The following MAMSTR variants were observed in gnomAD, a reference collection of about 807,000 sequenced individuals.
The protein encoded by MAMSTR is MEF2 activating motif and SAP domain containing transcriptional regulator, also known as MEF2-activating motif and SAP domain-containing transcriptional regulator.
In MAMSTR, 41 loss-of-function variants were observed where a neutral mutation model predicts 42.7. That is an observed-to-expected ratio of 0.96 (90% CI 0.75 to 1.25). The LOEUF (loss-of-function observed/expected upper bound fraction) is 1.25, where lower values mean the gene tolerates loss of function less well. Among genes scored for constraint, MAMSTR ranks in the 50% most tolerant of loss-of-function variants. The pLI, the probability that MAMSTR is intolerant of heterozygous loss-of-function variation, is 0.00. For synonymous variants in MAMSTR, 265 were observed against 244.1 expected, an observed-to-expected ratio of 1.09 and a Z score of -0.80; for missense variants, 567 against 557.6, an observed-to-expected ratio of 1.02 and a Z score of -0.17.
At position 48,714,497 on chromosome 19, in the gene MAMSTR, G is replaced by T. The variant is rs758453929; in HGVS notation, c.592C>A (p.Leu198Ile). Residue 198 changes from leucine to isoleucine, a missense_variant, in exon 7 of 10, where the codon CTC becomes ATC. By Grantham distance (5) the Leu-to-Ile change is conservative. Coordinates refer to ENST00000318083, the MANE Select transcript of MAMSTR (RefSeq NM_001130915.2). ...GCGCCGCCGCGCATGCGCTCCAGGAGCATAGACTTGGTCCCCGACACTGGG... is the reference window on the plus strand; with the variant it reads ...GCGCCGCCGCGCATGCGCTCCAGGATCATAGACTTGGTCCCCGACACTGGG... ...GLPVSGTKSM[L>I]LERMRGGAPP... 7.0e-7 allele frequency: 1 copy of T among 1,438,270 alleles called. No individual in the cohort carries two copies. The highest frequency in any genetic ancestry group is 9.0e-7 in the Non-Finnish European group (1 of 1,109,488). The allele number at this position is 1,438,270 out of a possible 1,614,324, so 89.1% of individuals were successfully genotyped here. A position where few individuals can be genotyped will look rare whatever the true frequency, so the allele number is the denominator to read the frequency against.
rs1052602682 is a variant in MAMSTR at position 48,715,349 on chromosome 19, C to T, written c.338G>A (p.Arg113Lys). Reference protein sequence around the residue: ...YMPPEPRQGSRADPQAEGSAL... With the variant: ...YMPPEPRQGSKADPQAEGSAL... ...GGACCCCTCGGCTTGGGGGTCCGCC[C>T]TGGATCCCTGTCTCGGCTCTGGGGG... Residue 113 changes from arginine (R) to lysine (K), a missense_variant, in exon 5 of 10, where the codon AGG becomes AAG. Coordinates refer to ENST00000318083, the MANE Select transcript of MAMSTR (RefSeq NM_001130915.2). 3 of 1,553,054 alleles carry T rather than the reference C, an allele frequency of 1.9e-6. No individual in the cohort carries two copies. In the Admixed American group the frequency reaches 7.1e-5, roughly 37 times the overall value.
At chr19:48,718,490 C>T (rs1460250885) in intron 2 of MAMSTR, among the ~76,000 whole-genome samples, 3 of 149,678 alleles carry the variant, frequency 2.0e-5, no homozygotes, top group East Asian at 3.9e-4. Context: ...CGGGTTCAAG[C>T]GATTCTCCCG....
chr19:48,719,173 C>A lies in MAMSTR; in HGVS notation c.-21-121G>T. On this transcript the variant is annotated intron_variant, in intron 1 of 9. Transcript: ENST00000318083. This position sits in a 1 kb window ranked among gnomAD's most constrained non-coding sequence, Gnocchi z 4.4. ...GGCCCGAAGGAGGTGGGAATAGGAG[C>A]AGCCTTGGGCCATAACTTCCGGATC... is the stretch of plus-strand genomic sequence containing the variant. 2 of 676,836 alleles carry A rather than the reference C, an allele frequency of 3.0e-6. No homozygotes were observed. 41.9% of individuals were successfully genotyped at this position (676,836 alleles called of 1,614,324 possible). A position where few individuals can be genotyped will look rare whatever the true frequency, so the allele number is the denominator to read the frequency against.
chr19:48,710,935 G>A (rs1043414447), downstream of MAMSTR, among the ~76,000 whole-genome samples: 2 of 152,042 alleles, frequency 1.3e-5, no homozygotes, highest in Non-Finnish European at 2.9e-5. Context: ...ACCCTATGAC[G>A]TTCTTCCCAG....
downstream of MAMSTR, among the ~76,000 whole-genome samples, chr19:48,710,338 C>A (rs1351027893): frequency 1.2e-4 from 18 of 147,634 alleles, no homozygotes; most frequent in Admixed American, 9.5e-4. Flanking sequence ...TGGTCTCGAA[C>A]TTCTGACCTC....
rs2033161432 is a variant in MAMSTR, at chr19:48,719,123, CT to C, written c.-21-72del. 9.3e-7 allele frequency: 1 copy of C among 1,080,834 alleles called. No individual in the cohort carries two copies. Among genetic ancestry groups the C allele is most frequent in the Admixed American group, 2.0e-5 (1 of 49,998 alleles). 67.0% of individuals were successfully genotyped at this position (1,080,834 alleles called of 1,614,324 possible). On this transcript the variant is annotated intron_variant, in intron 1 of 9. Transcript: ENST00000318083. The surrounding 1 kb of genome is among the most constrained non-coding windows in gnomAD (Gnocchi z 4.4). Reference sequence around the variant, plus strand: ...CAGAGTGGAGGTCAGGAGGCCGCCCCTGAGAGTGAATTCAGCAGGGAAAGGG... The same window carrying C: ...CAGAGTGGAGGTCAGGAGGCCGCCCCGAGAGTGAATTCAGCAGGGAAAGGG...
intron 5 of MAMSTR, 36 bp from the exon 6 acceptor site, chr19:48,714,944 G>A: frequency 7.1e-7 from 1 of 1,408,300 alleles, no homozygotes; most frequent in Non-Finnish European, 9.9e-7. Flanking sequence ...AAAGGTTAGA[G>A]AGGTAGAGGG....
intron 8 of MAMSTR, 29 bp downstream of exon 8, chr19:48,713,831 C>G (rs2032837998): frequency 6.2e-7 from 1 of 1,614,066 alleles, no homozygotes; most frequent in African/African-American, 1.3e-5. Context: ...CTGGAGAACC[C>G]TAGCCGGATT....
chr19:48,714,375 A>T lies in MAMSTR; in HGVS notation c.714T>A (p.Arg238=). 4 of 1,363,054 alleles carry T rather than the reference A, an allele frequency of 2.9e-6. No individual in the cohort carries two copies. The highest frequency in any genetic ancestry group is 3.7e-5 in the Admixed American group (1 of 27,268). The allele number at this position is 1,363,054 out of a possible 1,614,324, so 84.4% of individuals were successfully genotyped here. A position where few individuals can be genotyped will look rare whatever the true frequency, so the allele number is the denominator to read the frequency against. Residue 238 remains arginine (R), a synonymous_variant, in exon 7 of 10, where the codon CGT becomes CGA. Transcript: ENST00000318083. ...LKPKALAAAR[R]QGSVKPSAAS... ...ATAGCCCCGCCCTCACCGAGCCCTGACGCCGGGCGGCTGCCAGGGCCTTGG... is the reference window on the plus strand; with the variant it reads ...ATAGCCCCGCCCTCACCGAGCCCTGTCGCCGGGCGGCTGCCAGGGCCTTGG...
At chr19:48,713,615 C>A (rs1189146288) in intron 9 of MAMSTR, 65 bp from the exon 10 acceptor site, 11 of 1,601,164 alleles carry the variant, frequency 6.9e-6, no homozygotes, top group Non-Finnish European at 9.4e-6. Context: ...CCCCCCATAC[C>A]CCATTTCCAG....
chr19:48,713,460 G>A lies in MAMSTR; in HGVS notation c.1055C>T (p.Ser352Phe), dbSNP rs1410717407. 1.2e-6 allele frequency: 2 copies of A among 1,612,748 alleles called. No homozygotes were observed. The highest frequency in any genetic ancestry group is 2.7e-5 in the African/African-American group (2 of 74,904). ...PDSEGLSSVF[S>F]SSLPSPTNSS... ...GTTCGTGGGAGACGGGAGTGAAGAGGAGAAAACAGATGAGAGGCCTTCAGA... is the reference window on the plus strand; with the variant it reads ...GTTCGTGGGAGACGGGAGTGAAGAGAAGAAAACAGATGAGAGGCCTTCAGA... Residue 352 changes from serine (S) to phenylalanine (F), a missense_variant, in exon 10 of 10, where the codon TCC becomes TTC. Transcript: ENST00000318083.
At chr19:48,707,974 C>T (rs530156683), downstream of MAMSTR, among the ~76,000 whole-genome samples, 4 of 150,874 alleles carry the variant, frequency 2.7e-5, no homozygotes, top group East Asian at 7.9e-4. Flanking sequence ...GTGACTCACG[C>T]CTGTAATCCC....
At position 48,719,058 on chromosome 19, in the gene MAMSTR, C is replaced by T. The variant is rs764536902; in HGVS notation, c.-21-6G>A. 47 of 1,549,314 alleles carry T rather than the reference C, an allele frequency of 3.0e-5. No homozygotes were observed. The highest frequency in any genetic ancestry group is 8.2e-5 in the African/African-American group (6 of 72,976). On this transcript the variant is annotated splice_region_variant and splice_polypyrimidine_tract_variant and intron_variant, in intron 1 of 9. Transcript: ENST00000318083. This position sits in a 1 kb window ranked among gnomAD's most constrained non-coding sequence, Gnocchi z 4.4. ...GCCAAGGCCGGGATGGGGACCTGGA[C>T]GGAGAGGGGGCAGGGCAGGGGCCCC... is the stretch of plus-strand genomic sequence containing the variant.
Position 48,719,139 on chromosome 19 carries a change from C to A in MAMSTR, c.-21-87G>T. 2 of 912,788 alleles carry A rather than the reference C, an allele frequency of 2.2e-6. No individual in the cohort carries two copies. The allele number at this position is 912,788 out of a possible 1,614,324, so 56.5% of individuals were successfully genotyped here. On this transcript the variant is annotated intron_variant, in intron 1 of 9. Coordinates refer to ENST00000318083, the MANE Select transcript of MAMSTR (RefSeq NM_001130915.2). The surrounding 1 kb of genome is among the most constrained non-coding windows in gnomAD (Gnocchi z 4.4). ...AGGCCGCCCCTGAGAGTGAATTCAG[C>A]AGGGAAAGGGCCCGAAGGAGGTGGG... is the stretch of plus-strand genomic sequence containing the variant.
intron 3 of MAMSTR, 40 bp downstream of exon 3, chr19:48,716,665 G>T (rs1283797104): frequency 4.5e-6 from 6 of 1,331,504 alleles, no homozygotes; most frequent in Admixed American, 3.7e-5. Context: ...AGTGGGGAGT[G>T]GGGGGTCACC....
intron 7 of MAMSTR, 94 bp downstream of exon 7, chr19:48,714,272 C>T: frequency 8.9e-7 from 1 of 1,122,420 alleles, no homozygotes; most frequent in Non-Finnish European, 1.2e-6. Flanking sequence ...CTGGTCCTCG[C>T]CCCCACACTT....
downstream of MAMSTR, among the ~76,000 whole-genome samples, chr19:48,708,062 C>T (rs2032679604): frequency 6.6e-6 from 1 of 151,836 alleles, no homozygotes; most frequent in Non-Finnish European, 1.5e-5. Flanking sequence ...TGGAGAAACC[C>T]TGTCTCTACT....
chr19:48,707,895 A>AG (rs2032675969), downstream of MAMSTR, among the ~76,000 whole-genome samples: 4 of 131,290 alleles, frequency 3.0e-5, no homozygotes, highest in African/African-American at 6.2e-5. Context: ...AAGAAAAGAA[A>AG]GAAAGAAAGG....
At chr19:48,715,954 A>G in intron 3 of MAMSTR, 187 bp from the exon 4 acceptor site, 5 of 1,393,452 alleles carry the variant, frequency 3.6e-6, no homozygotes, top group African/African-American at 1.5e-5. Context: ...CGGTTGCTAC[A>G]TTCTCAAGTA....
Sources: allele counts gnomAD v4.1 joint callset (sites outside exome capture counted in the v4.1 genomes callset), GRCh38; gene constraint gnomAD v4.1.1; non-coding constraint Gnocchi (gnomAD v3.1); transcripts MANE v1.5; gene names NCBI Gene and HGNC (gene_info 2026-07-23, HGNC 2026-07-21).